EIPR1: variants seen among roughly 807,000 people sequenced by gnomAD.
The protein encoded by EIPR1 is EARP complex and GARP complex interacting protein 1.
EIPR1 carries 25 observed loss-of-function variants against 48.1 expected under a neutral mutation model. The ratio of observed to expected loss-of-function variants is 0.52; its 90% CI spans 0.38 to 0.73. EIPR1 has a LOEUF of 0.73. Among genes scored for constraint, EIPR1 ranks in the 30% least tolerant of loss-of-function variants. The probability of loss-of-function intolerance (pLI) is 0.00; values close to 1 mark genes in which losing one functional copy is unlikely to be tolerated. For synonymous variants in EIPR1, 204 were observed against 201.9 expected (o/e 1.01, Z -0.09); for missense variants, 415 against 506.2 (o/e 0.82, Z 1.73).
At chr2:3,303,655 A>C (rs946010379) in intron 3 of EIPR1, among the ~76,000 whole-genome samples, 50 of 152,210 alleles carry the variant, frequency 3.3e-4, no homozygotes, top group Non-Finnish European at 1.3e-4. Flanking sequence ...CAGGAAGACT[A>C]CTCCAAAGAT....
chr2:3,303,014 G>T (rs1668807123), intron 3 of EIPR1, among the ~76,000 whole-genome samples: 1 of 152,182 alleles, frequency 6.6e-6, no homozygotes, highest in Non-Finnish European at 1.5e-5. Flanking sequence ...GAGTTGTGGA[G>T]ATTAAATATG....
intron 4 of EIPR1, among the ~76,000 whole-genome samples, chr2:3,245,256 A>G (rs1666761739): frequency 6.6e-6 from 1 of 152,120 alleles, no homozygotes; most frequent in African/African-American, 2.4e-5. Context: ...TCTGTCACCC[A>G]GGCTGGAGTG....
chr2:3,205,588 T>G (rs879586666), intron 5 of EIPR1, among the ~76,000 whole-genome samples: 5 of 152,240 alleles, frequency 3.3e-5, no homozygotes, highest in Non-Finnish European at 5.9e-5. Context: ...GTTTAAGTCA[T>G]TCCCTGTGTC....
chr2:3,304,930 C>T lies in EIPR1; in HGVS notation c.259+33087G>A, dbSNP rs192915793. Among the ~76,000 whole-genome samples the T allele has an allele frequency of 5.7e-4, 85 of 148,976 alleles. No homozygotes were observed. In the East Asian group the frequency reaches 0.014, roughly 24 times the overall value. Reference sequence around the variant, plus strand: ...ATCCCGTCCAGTTCAACCCTCCAGTCCCGTCCAGTTCAGCCCTCCAATCCC... The same window carrying T: ...ATCCCGTCCAGTTCAACCCTCCAGTTCCGTCCAGTTCAGCCCTCCAATCCC... On this transcript the variant is annotated intron_variant, in intron 3 of 8. Transcript: ENST00000382125.
At chr2:3,306,193 C>T (rs1668939516) in intron 3 of EIPR1, among the ~76,000 whole-genome samples, 1 of 152,194 alleles carries the variant, frequency 6.6e-6, no homozygotes, top group Admixed American at 6.5e-5. Flanking sequence ...CTGGGTCCCG[C>T]CCCGCCCCTT....
chr2:3,364,664 AG>A (rs1380801805), intron 1 of EIPR1, among the ~76,000 whole-genome samples: 1 of 152,098 alleles, frequency 6.6e-6, no homozygotes, highest in Non-Finnish European at 1.5e-5. Flanking sequence ...AAAAAAAAAA[AG>A]AATGAAATCT....
At position 3,321,453 on chromosome 2, in the gene EIPR1, T is replaced by C. The variant is rs569189769; in HGVS notation, c.259+16564A>G. ...ACGATGAGGCTGATGGATTCCAACTTTTCTCCCCACCTCTCACGTACTCCA... is the reference window on the plus strand; with the variant it reads ...ACGATGAGGCTGATGGATTCCAACTCTTCTCCCCACCTCTCACGTACTCCA... On this transcript the variant is annotated intron_variant, in intron 3 of 8. Coordinates refer to ENST00000382125, the MANE Select transcript of EIPR1 (RefSeq NM_003310.5). 1.1e-3 allele frequency among the ~76,000 whole-genome samples: 168 copies of C among 152,200 alleles called. 1 individual carries two copies. Among genetic ancestry groups the C allele is most frequent in the Non-Finnish European group, 1.6e-3 (111 of 68,002 alleles).
At chr2:3,276,396 T>C (rs149108576) in intron 3 of EIPR1, among the ~76,000 whole-genome samples, 1 of 152,376 alleles carries the variant, frequency 6.6e-6, no homozygotes, top group East Asian at 1.9e-4. Context: ...ATGAAAAATA[T>C]TGCTTTTATA....
At chr2:3,294,947 C>CACATACACCCTCCATCCAGCCCGTCCT in intron 3 of EIPR1, among the ~76,000 whole-genome samples, 1 of 15,994 alleles carries the variant, frequency 6.3e-5, no homozygotes, top group Admixed American at 8.5e-4. Context: ...ATCCTCTCTA[C>CACATACACCCTCCATCCAGCCCGTCCT]ACACACACAC....
intron 3 of EIPR1, among the ~76,000 whole-genome samples, chr2:3,262,721 T>G (rs1460921518): frequency 2.6e-5 from 4 of 152,332 alleles, no homozygotes; most frequent in South Asian, 2.1e-4. Context: ...GAGCAAGCCA[T>G]GCCATCTGCA....
chr2:3,329,732 C>G (rs750575051), intron 3 of EIPR1, among the ~76,000 whole-genome samples: 3 of 145,650 alleles, frequency 2.1e-5, no homozygotes, highest in Admixed American at 6.8e-5. Flanking sequence ...TCAGGCTCTA[C>G]TCGCCATGCT....
intron 4 of EIPR1, among the ~76,000 whole-genome samples, chr2:3,225,338 T>C (rs765763577): frequency 6.6e-6 from 1 of 151,636 alleles, no homozygotes; most frequent in Non-Finnish European, 1.5e-5. Flanking sequence ...CTTGACCTCC[T>C]GGGTCCAAGC....
intron 7 of EIPR1, among the ~76,000 whole-genome samples, 184 bp downstream of exon 7, chr2:3,193,815 C>T (rs555392095): frequency 8.5e-5 from 13 of 152,196 alleles, no homozygotes; most frequent in Non-Finnish European, 1.0e-4. Context: ...TCTTTTCCTA[C>T]GTTTATAAAT....
chr2:3,244,108 G>A (rs993425004), intron 4 of EIPR1, among the ~76,000 whole-genome samples: 3 of 152,324 alleles, frequency 2.0e-5, no homozygotes, highest in East Asian at 1.9e-4. Context: ...GGGAGAGCAC[G>A]GCTGCATCAG....
chr2:3,364,618 G>C (rs1440632393), intron 1 of EIPR1, among the ~76,000 whole-genome samples: 3 of 150,774 alleles, frequency 2.0e-5, no homozygotes, highest in Non-Finnish European at 2.9e-5. Context: ...CTGGGTGACA[G>C]AGTGAGACCC....
intron 4 of EIPR1, among the ~76,000 whole-genome samples, chr2:3,255,258 C>T (rs975136288): frequency 4.0e-5 from 6 of 151,666 alleles, no homozygotes; most frequent in Middle Eastern, 3.4e-3. Context: ...TCTCAGCTCA[C>T]TGCAACCTCC....
chr2:3,251,147 TCTG>T (rs1666990751), intron 4 of EIPR1, among the ~76,000 whole-genome samples: 1 of 152,144 alleles, frequency 6.6e-6, no homozygotes, highest in South Asian at 2.1e-4. Context: ...CGGCCAGCGG[TCTG>T]CTGAACTGAC....
intron 3 of EIPR1, among the ~76,000 whole-genome samples, chr2:3,268,876 C>T (rs1255241780): frequency 1.3e-5 from 2 of 152,166 alleles, no homozygotes; most frequent in East Asian, 1.9e-4. Flanking sequence ...TGGGAGGTAA[C>T]ATATGATACA....
At chr2:3,206,539 G>A (rs529176992) in intron 5 of EIPR1, among the ~76,000 whole-genome samples, 4 of 152,342 alleles carry the variant, frequency 2.6e-5, no homozygotes, top group Admixed American at 1.3e-4. Flanking sequence ...GTGACAGGAT[G>A]TGCCGTTTTA....
Sources: allele counts gnomAD v4.1 joint callset (sites outside exome capture counted in the v4.1 genomes callset), GRCh38; gene constraint gnomAD v4.1.1; transcripts MANE v1.5; gene names NCBI Gene and HGNC (gene_info 2026-07-23, HGNC 2026-07-21).